CAPN9: variants seen among roughly 807,000 people sequenced by gnomAD.
CAPN9 encodes the protein calpain-9.
CAPN9 carries 81 observed loss-of-function variants against 92.8 expected under a neutral mutation model. The ratio of observed to expected loss-of-function variants is 0.87; its 90% confidence interval spans 0.73 to 1.05. The LOEUF (loss-of-function observed/expected upper bound fraction) is 1.05, where lower values mean the gene tolerates loss of function less well. CAPN9 is among the 50% of genes least tolerant of loss of function. The probability of loss-of-function intolerance (pLI) is 0.00; values close to 1 mark genes in which losing one functional copy is unlikely to be tolerated. For synonymous variants in CAPN9, 304 were observed against 328.0 expected (o/e 0.93, Z 0.79); for missense variants, 848 against 866.2 (o/e 0.98, Z 0.26).
At position 230,767,625 on chromosome 1, in the gene CAPN9, C is replaced by G; in HGVS notation, c.621C>G (p.Phe207Leu). The G allele has an allele frequency of 6.2e-7, 1 of 1,613,946 alleles. No individual in the cohort carries two copies. The highest frequency in any genetic ancestry group is 1.1e-5 in the South Asian group (1 of 91,046). ...EDFTGGVAET[F>L]QTKEAPENFY... ...TCACTGGGGGTGTGGCAGAGACCTT[C>G]CAAACTAAAGAGGCCCCCGAGAACT... Residue 207 changes from phenylalanine to leucine, a missense_variant, in exon 5 of 20, where the codon TTC (phenylalanine) becomes TTG (leucine). Transcript: ENST00000271971.
At chr1:230,760,567 A>G (rs1665568836) in intron 3 of CAPN9, among the ~76,000 whole-genome samples, 1 of 152,180 alleles carries the variant, frequency 6.6e-6, no homozygotes, top group Non-Finnish European at 1.5e-5. Context: ...AGGCAAAGAG[A>G]GTGAGCAGGT....
chr1:230,751,597 GAAAGAAAGAAAGAGAAAGAAAGAA>G (rs1157133407), intron 1 of CAPN9, among the ~76,000 whole-genome samples: 925 of 14,558 alleles, frequency 0.064, 12 homozygotes, highest in Non-Finnish European at 0.077. Flanking sequence ...AAGAAAGAAA[GAAAGAAAGAAAGAGAAAGAAAGAA>G]AGAAAGAAAG....
chr1:230,769,112 T>C (rs1212676162), intron 5 of CAPN9, 68 bp from the exon 6 acceptor site: 23 of 1,274,862 alleles, frequency 1.8e-5, no homozygotes, highest in Non-Finnish European at 2.6e-5. Context: ...GGCATGTAGC[T>C]GGGTCTGATC....
chr1:230,753,658 C>T (rs1020070406), intron 1 of CAPN9, among the ~76,000 whole-genome samples: 1 of 152,204 alleles, frequency 6.6e-6, no homozygotes, highest in Non-Finnish European at 1.5e-5. Flanking sequence ...CTGCTGGAAC[C>T]TTCCACCTCC....
At chr1:230,769,388 C>T (rs1422892534) in intron 6 of CAPN9, 125 bp downstream of exon 6, 1 of 665,990 alleles carries the variant, frequency 1.5e-6, no homozygotes, top group African/African-American at 1.8e-5. Context: ...GATTATGTCA[C>T]CTAAAGAGGC....
chr1:230,787,450 T>A, intron 12 of CAPN9, 72 bp from the exon 13 acceptor site: 1 of 1,360,654 alleles, frequency 7.3e-7, no homozygotes, highest in African/African-American at 1.4e-5. Context: ...GCTCCTGGCT[T>A]CTTTCCTGCT....
intron 8 of CAPN9, among the ~76,000 whole-genome samples, chr1:230,777,322 A>T (rs3790983): frequency 0.32 from 48,345 of 151,870 alleles, 8,174 homozygotes; most frequent in Non-Finnish European, 0.38. Context: ...CCCCAACACC[A>T]GGGCTGAGCC....
intron 14 of CAPN9, 124 bp downstream of exon 14, chr1:230,790,313 C>T: frequency 7.2e-7 from 1 of 1,381,348 alleles, no homozygotes; most frequent in South Asian, 2.0e-5. Flanking sequence ...TGTAGGTAGA[C>T]TTTAAAAATA....
Position 230,779,092 on chromosome 1 carries a change from G to A in CAPN9, c.1073G>A (p.Trp358Ter), listed in dbSNP as rs750599570. 74 of 1,613,002 alleles carry A rather than the reference G, an allele frequency of 4.6e-5. No homozygotes were observed. The highest frequency in any genetic ancestry group is 5.7e-5 in the Non-Finnish European group (67 of 1,179,952). The change falls in exon 9 of 20, where the codon TGG (tryptophan) becomes TAG (stop). Residue 358 changes from tryptophan (W) to a stop codon, truncating the protein, a stop_gained. Transcript: ENST00000271971. LOFTEE classifies it high-confidence loss of function. Reference protein sequence around the residue: ...KWEVTVHQGSWVRGSTAGGCR... With the variant: ...KWEVTVHQGS ...GAGGTGACGGTCCATCAGGGAAGCT[G>A]GGTTCGCGGCTCCACGGCTGGGGGC... is the stretch of plus-strand genomic sequence containing the variant.
intron 14 of CAPN9, among the ~76,000 whole-genome samples, chr1:230,790,695 CT>C (rs1186655958): frequency 6.6e-6 from 1 of 152,166 alleles, no homozygotes; most frequent in African/African-American, 2.4e-5. Flanking sequence ...AATCCCAGCA[CT>C]TTGGGAGGCC....
chr1:230,759,595 T>C lies in CAPN9; in HGVS notation c.367T>C (p.Phe123Leu), dbSNP rs1430900240. Residue 123 changes from phenylalanine (F) to leucine (L), a missense_variant, in exon 3 of 20, where the codon TTT becomes CTT. By Grantham distance (22) the Phe-to-Leu change is conservative (BLOSUM62 0). Transcript: ENST00000271971. ...LARVIPQDQS[F>L]GPGYAGIFHF... ...CAGAGTCATCCCCCAGGACCAAAGC[T>C]TTGGCCCTGGTTATGCCGGGATATT... The C allele has an allele frequency of 6.2e-7, 1 of 1,607,952 alleles. No homozygotes were observed. The highest frequency in any genetic ancestry group is 8.5e-7 in the Non-Finnish European group (1 of 1,177,836).
At chr1:230,759,674 C>A in intron 3 of CAPN9, 44 bp downstream of exon 3, 1 of 1,281,896 alleles carries the variant, frequency 7.8e-7, no homozygotes, top group Non-Finnish European at 1.1e-6. Flanking sequence ...CTCTGGGGCC[C>A]GGCATGAGGG....
At chr1:230,798,512 CT>C (rs1174442780) in intron 19 of CAPN9, among the ~76,000 whole-genome samples, 1 of 152,192 alleles carries the variant, frequency 6.6e-6, no homozygotes, top group African/African-American at 2.4e-5. Context: ...ACTCTGCCTT[CT>C]TGTCCTTCTC....
Position 230,795,334 on chromosome 1 carries a change from T to C in CAPN9, c.1987+55T>C. ...CTCGGGGTGGCATCTTCAGTCACCC[T>C]CCATGAGCGCATGAGAAACAGCCTG... On this transcript the variant is annotated intron_variant, in intron 18 of 19. Coordinates refer to ENST00000271971, the MANE Select transcript of CAPN9 (RefSeq NM_006615.3). 4 of 1,027,172 alleles carry C rather than the reference T, an allele frequency of 3.9e-6. No individual in the cohort carries two copies. In the South Asian group the frequency reaches 5.2e-5, roughly 13 times the overall value. The allele number at this position is 1,027,172 out of a possible 1,614,324, so 63.6% of individuals were successfully genotyped here. A position where few individuals can be genotyped will look rare whatever the true frequency, so the allele number is the denominator to read the frequency against.
intron 4 of CAPN9, among the ~76,000 whole-genome samples, chr1:230,765,164 AATG>A (rs1665893199): frequency 6.6e-6 from 1 of 151,674 alleles, no homozygotes; most frequent in Non-Finnish European, 1.5e-5. Context: ...ACATACATAA[AATG>A]AACCTAGATC....
At chr1:230,771,903 C>G (rs759168996) in intron 6 of CAPN9, 111 bp from the exon 7 acceptor site, 4 of 857,104 alleles carry the variant, frequency 4.7e-6, no homozygotes, top group Admixed American at 2.0e-5. Flanking sequence ...AAGAGACTTT[C>G]AACAGAACCA....
chr1:230,797,916 CGGCTGACT>C (rs1300889837), intron 18 of CAPN9, among the ~76,000 whole-genome samples: 3 of 152,146 alleles, frequency 2.0e-5, no homozygotes, highest in Non-Finnish European at 4.4e-5. Flanking sequence ...AGCTGCTGGC[CGGCTGACT>C]GGCTTAGGTG....
chr1:230,752,388 G>T (rs915004564), intron 1 of CAPN9, among the ~76,000 whole-genome samples: 1 of 152,186 alleles, frequency 6.6e-6, no homozygotes, highest in Non-Finnish European at 1.5e-5. Context: ...ATTTATACCC[G>T]ATGGCTAATT....
chr1:230,801,145 C>A (rs997972841), intron 19 of CAPN9, among the ~76,000 whole-genome samples: 3 of 152,136 alleles, frequency 2.0e-5, no homozygotes, highest in African/African-American at 7.2e-5. Flanking sequence ...TTGTAACACC[C>A]CCCAGCTATG....
Sources: gnomAD v4.1 joint callset for allele counts (sites outside exome capture counted in the v4.1 genomes callset) on GRCh38, gnomAD v4.1.1 for gene constraint, MANE v1.5 for transcripts, NCBI Gene and HGNC (gene_info 2026-07-23, HGNC 2026-07-21) for gene names.